The following DISP3 variants were observed in gnomAD, a reference collection of about 807,000 sequenced individuals.
DISP3 encodes dispatched RND transporter family member 3.
A neutral mutation model predicts 135.3 loss-of-function variants in DISP3; 101 were observed. That is an observed-to-expected ratio of 0.75 (90% CI 0.64 to 0.88). DISP3 has a LOEUF of 0.88. DISP3 is among the 40% of genes least tolerant of loss of function. DISP3 has a pLI of 0.00. For missense variants in DISP3, 1,713 were observed against 1,878.6 expected, an observed-to-expected ratio of 0.91 and a Z score of 1.63; for synonymous variants, 856 against 817.0, an observed-to-expected ratio of 1.05 and a Z score of -0.81.
At position 11,499,423 on chromosome 1, in the gene DISP3, G is replaced by C. The variant is rs1402012732; in HGVS notation, c.-3-1567G>C. Among the ~76,000 whole-genome samples, 2 of 152,156 alleles carry C rather than the reference G, an allele frequency of 1.3e-5. No homozygotes were observed. Reference sequence around the variant, plus strand: ...GACTTGGTTTTTCCCTTTGGAGATGGGGTGAGTCTGAGCTGCCTCCAGTGC... The same window carrying C: ...GACTTGGTTTTTCCCTTTGGAGATGCGGTGAGTCTGAGCTGCCTCCAGTGC... On this transcript the variant is annotated intron_variant, in intron 1 of 20. Transcript: ENST00000294484. This position sits in a 1 kb window ranked among gnomAD's most constrained non-coding sequence, Gnocchi z 5.2.
At position 11,502,798 on chromosome 1, in the gene DISP3, C is replaced by G; in HGVS notation, c.1217C>G (p.Pro406Arg). 1 of 1,614,198 alleles carries G rather than the reference C, an allele frequency of 6.2e-7. No homozygotes were observed. Among genetic ancestry groups the G allele is most frequent in the Non-Finnish European group, 8.5e-7 (1 of 1,180,034 alleles). ...RSEILFGAPL[P>R]NYYSVDDRWE... Reference sequence around the variant, plus strand: ...GAGATCCTGTTTGGAGCACCCCTGCCCAACTACTACTCAGTAGATGACCGC... The same window carrying G: ...GAGATCCTGTTTGGAGCACCCCTGCGCAACTACTACTCAGTAGATGACCGC... The change falls in exon 3 of 21, where the codon CCC (proline) becomes CGC (arginine). Residue 406 changes from proline to arginine, a missense_variant. Around this residue, in one of 2 missense-constraint regions of DISP3, gnomAD observed 1,142 missense variants for 1,384.6 expected, o/e 0.82. Transcript: ENST00000294484.
At chr1:11,488,126 G>T (rs1641088741) in intron 1 of DISP3, among the ~76,000 whole-genome samples, 1 of 152,044 alleles carries the variant, frequency 6.6e-6, no homozygotes, top group Non-Finnish European at 1.5e-5. Flanking sequence ...TGGCCTTTGG[G>T]GCTGGGAGCA....
At chr1:11,508,166 A>C (rs1641757553) in intron 3 of DISP3, among the ~76,000 whole-genome samples, 1 of 152,212 alleles carries the variant, frequency 6.6e-6, no homozygotes, top group Admixed American at 6.5e-5. Context: ...TCATGCCTAT[A>C]ATCCCAGCTA....
chr1:11,522,612 G>A, intron 10 of DISP3, among the ~76,000 whole-genome samples: 1 of 134,648 alleles, frequency 7.4e-6, no homozygotes, highest in African/African-American at 2.8e-5. Context: ...CCAGAGCCCA[G>A]CCAGGACCCA....
Position 11,536,609 on chromosome 1 carries a change from G to C in DISP3, c.4102G>C (p.Ala1368Pro). The C allele has an allele frequency of 6.2e-7, 1 of 1,610,204 alleles. No homozygotes were observed. The highest frequency in any genetic ancestry group is 8.5e-7 in the Non-Finnish European group (1 of 1,179,296). ...KALGAVLLAG[A>P]LGLGACLVLL... ...CCTGGGTGCCGTGCTGCTGGCAGGG[G>C]CCCTGGGGCTGGGTGCCTGCCTCGT... The change falls in exon 21 of 21, where the codon GCC becomes CCC. Residue 1368 changes from alanine to proline, a missense_variant. Transcript: ENST00000294484. This position sits in a 1 kb window ranked among gnomAD's most constrained non-coding sequence, Gnocchi z 4.3.
At chr1:11,530,051 A>G in intron 15 of DISP3, 92 bp downstream of exon 15, 1 of 1,511,510 alleles carries the variant, frequency 6.6e-7, no homozygotes, top group South Asian at 1.3e-5. Context: ...CCAGCTCCTC[A>G]CACCCCCTCT....
At position 11,531,793 on chromosome 1, in the gene DISP3, T is replaced by C; in HGVS notation, c.3375+83T>C. On this transcript the variant is annotated intron_variant, in intron 17 of 20. Transcript: ENST00000294484. The surrounding 1 kb of genome is among the most constrained non-coding windows in gnomAD (Gnocchi z 5.2). ...CTCTGATCCCAGCCCTCTTCCCAGA[T>C]CGGGGGGGAGATGCTGAGGCCCAGA... 1 of 1,498,336 alleles carries C rather than the reference T, an allele frequency of 6.7e-7. No individual in the cohort carries two copies. The highest frequency in any genetic ancestry group is 8.9e-7 in the Non-Finnish European group (1 of 1,127,242). The allele number at this position is 1,498,336 out of a possible 1,614,324, so 92.8% of individuals were successfully genotyped here.
chr1:11,517,545 C>T lies in DISP3; in HGVS notation c.1832C>T (p.Ala611Val). Residue 611 changes from alanine (A) to valine (V), a missense_variant, in exon 7 of 21, where the codon GCA becomes GTA. Physicochemically the swap from Ala to Val is moderately conservative, Grantham distance 64. Transcript: ENST00000294484. ...CTGGCCGTGCTTGTCACCATGCCTGCAGCTCTGGGCCTCTGGAGCCTCTAC... is the reference window on the plus strand; with the variant it reads ...CTGGCCGTGCTTGTCACCATGCCTGTAGCTCTGGGCCTCTGGAGCCTCTAC... ...CWLAVLVTMPAALGLWSLYLA... is the reference protein window; with the variant it reads ...CWLAVLVTMPVALGLWSLYLA... 6.2e-7 allele frequency: 1 copy of T among 1,614,200 alleles called. No individual in the cohort carries two copies. Among genetic ancestry groups the T allele is most frequent in the Non-Finnish European group, 8.5e-7 (1 of 1,180,046 alleles).
At chr1:11,487,489 C>G (rs1210883127) in intron 1 of DISP3, among the ~76,000 whole-genome samples, 1 of 152,230 alleles carries the variant, frequency 6.6e-6, no homozygotes, top group Non-Finnish European at 1.5e-5. Context: ...CTTCTGCCTT[C>G]CCTGCCACCA....
intron 18 of DISP3, chr1:11,534,766 G>A: frequency 1.3e-6 from 1 of 771,098 alleles, no homozygotes; most frequent in Non-Finnish European, 2.2e-6. Context: ...CACCTAAAAA[G>A]TAACAGTCAT....
At chr1:11,533,667 C>A in intron 17 of DISP3, 2 of 659,964 alleles carry the variant, frequency 3.0e-6, no homozygotes, top group South Asian at 3.4e-5. Flanking sequence ...GGAGAGAAGT[C>A]CCCACTCAGG....
In DISP3 at chr1:11,536,203, C is replaced by T; in HGVS notation, c.3817-121C>T. 1 of 1,403,036 alleles carries T rather than the reference C, an allele frequency of 7.1e-7. No homozygotes were observed. The highest frequency in any genetic ancestry group is 9.4e-7 in the Non-Finnish European group (1 of 1,066,076). The allele number at this position is 1,403,036 out of a possible 1,614,324, so 86.9% of individuals were successfully genotyped here. On this transcript the variant is annotated intron_variant, in intron 20 of 20. Coordinates refer to ENST00000294484, the MANE Select transcript of DISP3 (RefSeq NM_020780.2). The surrounding 1 kb of genome is among the most constrained non-coding windows in gnomAD (Gnocchi z 4.3). The stretch of plus-strand genomic sequence containing the variant: ...CCTCCCAACCCTGGGAGGCCACTTG[C>T]AGCTCTCATCCCAGTAACAGAGCAG...
intron 1 of DISP3, among the ~76,000 whole-genome samples, chr1:11,488,647 G>GTGTGTA (rs34430681): frequency 3.3e-5 from 5 of 151,850 alleles, no homozygotes; most frequent in Middle Eastern, 6.8e-3. Flanking sequence ...CTGTGTGTGT[G>GTGTGTA]TGTGTGTGTG....
chr1:11,528,687 C>G (rs576857039), intron 13 of DISP3, among the ~76,000 whole-genome samples: 1 of 152,142 alleles, frequency 6.6e-6, no homozygotes, highest in Non-Finnish European at 1.5e-5. Context: ...CTCGGTGATA[C>G]GCGGGGACTG....
chr1:11,531,508 A>T lies in DISP3; in HGVS notation c.3230-57A>T. On this transcript the variant is annotated intron_variant, in intron 16 of 20. Coordinates refer to ENST00000294484, the MANE Select transcript of DISP3 (RefSeq NM_020780.2). The surrounding 1 kb of genome is among the most constrained non-coding windows in gnomAD (Gnocchi z 5.2). ...GAGTGCGTGGGCACAGGTGTGATGCAGGGGGACAGGCTCTTCCAGGGCCAC... is the reference window on the plus strand; with the variant it reads ...GAGTGCGTGGGCACAGGTGTGATGCTGGGGGACAGGCTCTTCCAGGGCCAC... 9 of 1,610,682 alleles carry T rather than the reference A, an allele frequency of 5.6e-6. No homozygotes were observed. In the South Asian group the frequency reaches 9.9e-5, roughly 18 times the overall value.
rs747473341 is a variant in DISP3 at position 11,531,675 on chromosome 1, G to A, written c.3340G>A (p.Gly1114Ser). The A allele has an allele frequency of 2.5e-6, 4 of 1,611,498 alleles. No individual in the cohort carries two copies. The highest frequency in any genetic ancestry group is 2.2e-5 in the East Asian group (1 of 44,852). ...LSHGAVGVRE[G>S]RVQWISMAFE... ...CCACGGGGCAGTGGGCGTCAGGGAG[G>A]GCCGCGTGCAGTGGATCTCCATGGC... is the stretch of plus-strand genomic sequence containing the variant. Residue 1114 changes from glycine (G) to serine (S), a missense_variant, in exon 17 of 21, where the codon GGC becomes AGC. Coordinates refer to ENST00000294484, the MANE Select transcript of DISP3 (RefSeq NM_020780.2). This position sits in a 1 kb window ranked among gnomAD's most constrained non-coding sequence, Gnocchi z 5.2.
chr1:11,509,727 G>A (rs1345467634), intron 3 of DISP3, among the ~76,000 whole-genome samples: 1 of 152,038 alleles, frequency 6.6e-6, no homozygotes, highest in Admixed American at 6.5e-5. Context: ...TGTTAGCATG[G>A]TATATCATTT....
At chr1:11,534,239 A>T in intron 17 of DISP3, 142 bp from the exon 18 acceptor site, 1 of 1,005,874 alleles carries the variant, frequency 9.9e-7, no homozygotes, top group African/African-American at 1.6e-5. Flanking sequence ...GTGGGGACTC[A>T]TTTTGGATTG....
intron 17 of DISP3, among the ~76,000 whole-genome samples, chr1:11,534,107 A>G (rs938315300): frequency 2.0e-5 from 3 of 152,190 alleles, no homozygotes; most frequent in Admixed American, 2.0e-4. Context: ...AACAGCATGC[A>G]CTCTGTGTGG....
Sources: gnomAD v4.1 joint callset for allele counts (sites outside exome capture counted in the v4.1 genomes callset) on GRCh38, gnomAD v4.1.1 for gene constraint, gnomAD v4.1.1 regional missense constraint, Gnocchi (gnomAD v3.1) non-coding constraint, MANE v1.5 for transcripts, NCBI Gene and HGNC (gene_info 2026-07-23, HGNC 2026-07-21) for gene names.